Variants in PALLD observed in about 807,000 individuals in gnomAD.
PALLD encodes the protein palladin, cytoskeletal associated protein.
PALLD carries 61 observed loss-of-function variants against 123.5 expected under a neutral mutation model. The observed-to-expected ratio is 0.49, with a 90% CI of 0.40 to 0.61. The LOEUF (loss-of-function observed/expected upper bound fraction) is 0.61, where lower values mean the gene tolerates loss of function less well. Ranked by LOEUF, PALLD falls within the 20% of genes least tolerant of loss-of-function variation. PALLD has a pLI of 0.00. For missense variants in PALLD, 1,273 were observed against 1,377.0 expected (o/e 0.92, Z 1.20); for synonymous variants, 465 against 496.4 (o/e 0.94, Z 0.84).
chr4:168,710,278 TTTTTCTTTTC>T (rs141300706), intron 9 of PALLD, among the ~76,000 whole-genome samples: 34,934 of 151,948 alleles, frequency 0.23, 4,708 homozygotes, highest in Admixed American at 0.31. Context: ...GCTTTTTTTC[TTTTTCTTTTC>T]TTTTCTTTTC....
chr4:168,894,997 C>A lies in PALLD; in HGVS notation c.2199+320C>A, dbSNP rs10009390. Among the ~76,000 whole-genome samples, 404 of 152,114 alleles carry A rather than the reference C, an allele frequency of 2.7e-3. 2 individuals carry two copies. The highest frequency in any genetic ancestry group is 9.4e-3 in the African/African-American group (391 of 41,488). On this transcript the variant is annotated intron_variant, in intron 12 of 21. Coordinates refer to ENST00000505667, the MANE Select transcript of PALLD (RefSeq NM_001166108.2). ...TTTGTGTGGAGAAACACATTTTCGCCGACATTGTCTGAAATAACTAGTGAA... is the reference window on the plus strand; with the variant it reads ...TTTGTGTGGAGAAACACATTTTCGCAGACATTGTCTGAAATAACTAGTGAA...
chr4:168,917,329 T>G (rs946424403), intron 17 of PALLD, among the ~76,000 whole-genome samples: 1 of 152,200 alleles, frequency 6.6e-6, no homozygotes, highest in Non-Finnish European at 1.5e-5. Context: ...ATTACAGGCA[T>G]GAGCCACCAC....
intron 3 of PALLD, among the ~76,000 whole-genome samples, chr4:168,670,623 C>T (rs1392443953): frequency 1.3e-5 from 2 of 150,712 alleles, no homozygotes; most frequent in Non-Finnish European, 3.0e-5. Context: ...GTCCCAGCTA[C>T]TCGGGAGGCT....
At position 168,709,028 on chromosome 4, in the gene PALLD, A is replaced by T. The variant is rs758922377; in HGVS notation, c.1502A>T (p.Glu501Val). The T allele has an allele frequency of 6.2e-7, 1 of 1,613,644 alleles. No homozygotes were observed. The highest frequency in any genetic ancestry group is 1.1e-5 in the South Asian group (1 of 91,066). Reference protein sequence around the residue: ...QKKPRSTAEPEEICTLVIAET... With the variant: ...QKKPRSTAEPVEICTLVIAET... ...ATGATTCTGTTCTCTTCACTTCCAG[A>T]GGAGATTTGCACCCTAGTTATCGCT... The change falls in exon 9 of 22, where the codon GAG becomes GTG. Residue 501 changes from glutamate to valine, a missense_variant and splice_region_variant. By Grantham distance (121) the Glu-to-Val change is moderately radical. This residue lies in a region of PALLD where 944 missense variants were observed against 954.5 expected (regional missense o/e 0.99). Coordinates refer to ENST00000505667, the MANE Select transcript of PALLD (RefSeq NM_001166108.2).
chr4:168,517,000 G>A (rs1471402636), intron 2 of PALLD, among the ~76,000 whole-genome samples: 4 of 152,134 alleles, frequency 2.6e-5, no homozygotes, highest in African/African-American at 7.2e-5. Flanking sequence ...GTAGTGGGAG[G>A]TGAGTGAAGT....
intron 2 of PALLD, among the ~76,000 whole-genome samples, chr4:168,620,418 G>A (rs1226678820): frequency 2.0e-5 from 3 of 152,120 alleles, no homozygotes; most frequent in South Asian, 2.1e-4. Context: ...TCGCACCACC[G>A]CACTGCAACC....
chr4:168,498,402 T>A (rs1010892516), intron 1 of PALLD, among the ~76,000 whole-genome samples: 9 of 152,202 alleles, frequency 5.9e-5, no homozygotes, highest in African/African-American at 2.2e-4. Context: ...AGAATGAGGA[T>A]CTGGATTGCA....
chr4:168,671,410 G>T (rs1182393305), intron 3 of PALLD, among the ~76,000 whole-genome samples: 1 of 152,190 alleles, frequency 6.6e-6, no homozygotes, highest in East Asian at 1.9e-4. Context: ...ATTTCTTCCA[G>T]TGCCCAGCTT....
intron 10 of PALLD, among the ~76,000 whole-genome samples, chr4:168,721,376 G>A (rs1432085206): frequency 4.6e-5 from 7 of 151,994 alleles, no homozygotes; most frequent in Non-Finnish European, 8.8e-5. Flanking sequence ...CTATGAATTT[G>A]ATGGAAAATA....
Position 168,600,091 on chromosome 4 carries a change from G to GTGTATACACACACATATATACATA in PALLD, c.909-68099_909-68098insTGTATACACACACATATATACATA, listed in dbSNP as rs1561291419. ...TGTGTATACACACACATATATACAT[G>GTGTATACACACACATATATACATA]CATGTGTATGCACACATATATATAC... On this transcript the variant is annotated intron_variant, in intron 2 of 21. Coordinates refer to ENST00000505667, the MANE Select transcript of PALLD (RefSeq NM_001166108.2). 2.0e-4 allele frequency among the ~76,000 whole-genome samples: 27 copies of GTGTATACACACACATATATACATA among 133,890 alleles called. 1 individual carries two copies. Among genetic ancestry groups the GTGTATACACACACATATATACATA allele is most frequent in the African/African-American group, 5.5e-4 (21 of 38,506 alleles). The allele number at this position is 133,890 out of a possible 152,430, so 87.8% of individuals were successfully genotyped here.
intron 2 of PALLD, among the ~76,000 whole-genome samples, chr4:168,566,942 T>G (rs1182899628): frequency 2.0e-5 from 3 of 152,162 alleles, no homozygotes; most frequent in Non-Finnish European, 4.4e-5. Flanking sequence ...CAGATTGTTC[T>G]TTCAAAACTT....
intron 10 of PALLD, among the ~76,000 whole-genome samples, chr4:168,764,617 C>T (rs1256804951): frequency 6.6e-6 from 1 of 151,950 alleles, no homozygotes; most frequent in African/African-American, 2.4e-5. Context: ...CAGAAAAAAT[C>T]CCTCTCAGTA....
intron 2 of PALLD, among the ~76,000 whole-genome samples, chr4:168,635,538 A>G (rs973183319): frequency 1.3e-5 from 2 of 152,266 alleles, no homozygotes; most frequent in South Asian, 2.1e-4. Flanking sequence ...TCCTATTTCA[A>G]TCCTCAAGGC....
chr4:168,845,624 T>C lies in PALLD; in HGVS notation c.1965-45298T>C, dbSNP rs115491569. On this transcript the variant is annotated intron_variant, in intron 10 of 21. Transcript: ENST00000505667. The stretch of plus-strand genomic sequence containing the variant: ...TATCAGGGACTTGAGCATGTGTGGA[T>C]TTTGGTATCCGAAGGGTTCCTGGAA... Among the ~76,000 whole-genome samples the C allele has an allele frequency of 7.3e-3, 1,105 of 152,272 alleles. 5 individuals carry two copies. Among genetic ancestry groups the C allele is most frequent in the Middle Eastern group, 0.051 (15 of 294 alleles).
intron 10 of PALLD, among the ~76,000 whole-genome samples, chr4:168,779,476 G>A: frequency 6.6e-6 from 1 of 151,200 alleles, no homozygotes; most frequent in East Asian, 1.9e-4. Flanking sequence ...TAAACTTCAT[G>A]TGAACATCAT....
chr4:168,720,417 T>C (rs1785883619), intron 10 of PALLD, among the ~76,000 whole-genome samples: 1 of 152,196 alleles, frequency 6.6e-6, no homozygotes, highest in African/African-American at 2.4e-5. Context: ...CAAAGCAATT[T>C]AGTAATGGCA....
intron 10 of PALLD, among the ~76,000 whole-genome samples, chr4:168,824,671 C>T (rs1364771917): frequency 6.6e-6 from 1 of 151,622 alleles, no homozygotes; most frequent in Non-Finnish European, 1.5e-5. Context: ...AAAAAAAAAT[C>T]TTAATTTTTT....
At chr4:168,655,450 A>G (rs1026441342) in intron 2 of PALLD, among the ~76,000 whole-genome samples, 2 of 152,130 alleles carry the variant, frequency 1.3e-5, no homozygotes, top group African/African-American at 4.8e-5. Flanking sequence ...ATTAGATTAG[A>G]CTAGAGCCAG....
intron 3 of PALLD, among the ~76,000 whole-genome samples, chr4:168,668,626 G>T (rs981306009): frequency 1.3e-5 from 2 of 152,094 alleles, no homozygotes; most frequent in African/African-American, 4.8e-5. Flanking sequence ...AAAATGTAAG[G>T]TATCCAAATT....
Sources: allele counts gnomAD v4.1 joint callset (sites outside exome capture counted in the v4.1 genomes callset), GRCh38; gene constraint gnomAD v4.1.1; regional missense constraint gnomAD v4.1.1; transcripts MANE v1.5; gene names NCBI Gene and HGNC (gene_info 2026-07-23, HGNC 2026-07-21).